The following ATP2C1 variants were observed in gnomAD, a reference collection of about 807,000 sequenced individuals.
ATP2C1 encodes calcium-transporting ATPase type 2C member 1.
ATP2C1 carries 31 observed loss-of-function variants against 120.5 expected under a neutral mutation model. That is an observed-to-expected ratio of 0.26 (90% confidence interval 0.19 to 0.35). ATP2C1 has a LOEUF of 0.35. ATP2C1 is among the 10% of genes least tolerant of loss of function. The pLI, the probability that ATP2C1 is intolerant of heterozygous loss-of-function variation, is 1.00. For missense variants in ATP2C1, 731 were observed against 1,107.5 expected (o/e 0.66, Z 4.83); for synonymous variants, 351 against 358.7 (o/e 0.98, Z 0.24).
At chr3:130,922,501 C>G (rs1024813561) in intron 2 of ATP2C1, among the ~76,000 whole-genome samples, 1 of 151,794 alleles carries the variant, frequency 6.6e-6, no homozygotes. Context: ...TTCTGCTGGG[C>G]TTAGGTTTGG....
intron 8 of ATP2C1, among the ~76,000 whole-genome samples, chr3:130,951,207 A>G (rs887178561): frequency 6.6e-6 from 1 of 152,132 alleles, no homozygotes; most frequent in East Asian, 1.9e-4. Context: ...GTCTTTTTCT[A>G]TAAGTGGTTA....
intron 1 of ATP2C1, among the ~76,000 whole-genome samples, chr3:130,875,999 G>A (rs2068591504): frequency 6.6e-6 from 1 of 150,946 alleles, no homozygotes; most frequent in South Asian, 2.1e-4. Flanking sequence ...TGAGCTGTTG[G>A]TTTTTTTCAG....
intron 1 of ATP2C1, among the ~76,000 whole-genome samples, chr3:130,878,712 C>A (rs1260397715): frequency 6.6e-6 from 1 of 152,142 alleles, no homozygotes; most frequent in Non-Finnish European, 1.5e-5. Flanking sequence ...TTATCCCATT[C>A]TCTCCTGGCC....
intron 14 of ATP2C1, among the ~76,000 whole-genome samples, chr3:130,966,755 G>C (rs537325675): frequency 6.6e-6 from 1 of 152,264 alleles, no homozygotes; most frequent in African/African-American, 2.4e-5. Context: ...AAAGAATACT[G>C]CTTTTGTCTA....
intron 6 of ATP2C1, among the ~76,000 whole-genome samples, chr3:130,939,624 A>G (rs2108433885): frequency 6.6e-6 from 1 of 152,330 alleles, no homozygotes; most frequent in East Asian, 1.9e-4. Context: ...TTTCTAGCAT[A>G]TTACAGAATT....
intron 2 of ATP2C1, among the ~76,000 whole-genome samples, chr3:130,901,853 A>C (rs185129787): frequency 6.6e-6 from 1 of 151,860 alleles, no homozygotes; most frequent in African/African-American, 2.4e-5. Flanking sequence ...TCATCTCAGG[A>C]TTGTTTTGCC....
At chr3:130,902,259 T>C (rs1286474570) in intron 2 of ATP2C1, among the ~76,000 whole-genome samples, 1 of 150,694 alleles carries the variant, frequency 6.6e-6, no homozygotes, top group Non-Finnish European at 1.5e-5. Flanking sequence ...TTTTGGTCTT[T>C]TAACTGCTAA....
chr3:130,927,068 G>C (rs975155688), intron 2 of ATP2C1, among the ~76,000 whole-genome samples: 1 of 152,100 alleles, frequency 6.6e-6, no homozygotes, highest in Non-Finnish European at 1.5e-5. Flanking sequence ...CCAAAGCAGG[G>C]CCAGTGCTTT....
Position 130,997,512 on chromosome 3 carries a change from A to G in ATP2C1, c.2244-94A>G, listed in dbSNP as rs1381499887. ...ATTTTGTTTCTATAAGAAAGCATTT[A>G]GTTTGCCGAATAATTGAGGTTAGTG... On this transcript the variant is annotated intron_variant, in intron 24 of 27. Transcript: ENST00000510168. The G allele has an allele frequency of 4.3e-6, 5 of 1,168,854 alleles. 1 individual carries two copies. The South Asian group carries it at 6.4e-5, about 15-fold the overall frequency. The allele number at this position is 1,168,854 out of a possible 1,614,324, so 72.4% of individuals were successfully genotyped here. A position where few individuals can be genotyped will look rare whatever the true frequency, so the allele number is the denominator to read the frequency against.
chr3:130,979,602 A>C (rs1445687053), intron 19 of ATP2C1, among the ~76,000 whole-genome samples, 183 bp downstream of exon 19: 2 of 152,210 alleles, frequency 1.3e-5, no homozygotes, highest in South Asian at 2.1e-4. Flanking sequence ...TTTAAAAAGT[A>C]ATAACTTTGA....
chr3:130,935,334 A>G (rs1449748847), intron 5 of ATP2C1, among the ~76,000 whole-genome samples: 4 of 152,246 alleles, frequency 2.6e-5, no homozygotes, highest in Non-Finnish European at 5.9e-5. Flanking sequence ...ATGTGAAATT[A>G]AAAATATTCC....
rs1306253181 is a variant in ATP2C1 at position 130,894,954 on chromosome 3, A to G, written c.6+179A>G. 6.6e-6 allele frequency among the ~76,000 whole-genome samples: 1 copy of G among 152,148 alleles called. No homozygotes were observed. The highest frequency in any genetic ancestry group is 1.9e-4 in the East Asian group (1 of 5,198). On this transcript the variant is annotated intron_variant, in intron 2 of 27. Transcript: ENST00000510168. This position sits in a 1 kb window ranked among gnomAD's most constrained non-coding sequence, Gnocchi z 4.5. ...AGCTTTTATTTTGGTAACATGGGGC[A>G]TTTGAGAGATTGAGGTTCTGTGGGT...
chr3:130,965,084 C>A (rs1301680392), intron 14 of ATP2C1, 39 bp downstream of exon 14: 3 of 1,439,200 alleles, frequency 2.1e-6, no homozygotes, highest in East Asian at 2.3e-5. Flanking sequence ...AAAACAGTAT[C>A]CCTTTAAGAA....
chr3:130,850,609 C>T (rs577084008), exon 1 of ATP2C1: 13 of 338,284 alleles, frequency 3.8e-5, no homozygotes, highest in African/African-American at 2.1e-4. Context: ...CATTTCTGGA[C>T]GCTTCTAGAC....
chr3:130,905,255 A>G (rs2058068710), intron 2 of ATP2C1, among the ~76,000 whole-genome samples: 1 of 152,042 alleles, frequency 6.6e-6, no homozygotes, highest in South Asian at 2.1e-4. Context: ...GTATGAACAC[A>G]TATGTTTTTA....
rs572021222 is a variant in ATP2C1, at chr3:130,992,806, T to C, written c.1840-145T>C. On this transcript the variant is annotated intron_variant, in intron 20 of 27. Coordinates refer to ENST00000510168, the MANE Select transcript of ATP2C1 (RefSeq NM_001378687.1). ...TGTCAGATTAATGTCTTAACAAACA[T>C]ATGTCATATTGCTTAAGCTTGATCT... 5.0e-5 allele frequency: 34 copies of C among 680,666 alleles called. 1 individual carries two copies. In the East Asian group the frequency reaches 9.6e-4, roughly 19 times the overall value. 42.2% of individuals were successfully genotyped at this position (680,666 alleles called of 1,614,324 possible). A position where few individuals can be genotyped will look rare whatever the true frequency, so the allele number is the denominator to read the frequency against.
chr3:131,004,814 A>G (rs559237950), downstream of ATP2C1, among the ~76,000 whole-genome samples: 4 of 152,088 alleles, frequency 2.6e-5, no homozygotes, highest in African/African-American at 7.3e-5. Flanking sequence ...TGTGAAAACC[A>G]CAATGAGTTT....
chr3:130,884,081 CA>C (rs2068882577), intron 1 of ATP2C1, among the ~76,000 whole-genome samples: 1 of 151,542 alleles, frequency 6.6e-6, no homozygotes, highest in Admixed American at 6.6e-5. Flanking sequence ...AGCTGGATTA[CA>C]GGCTCTGGCC....
At chr3:130,947,313 C>T (rs907096339) in intron 8 of ATP2C1, among the ~76,000 whole-genome samples, 2 of 152,122 alleles carry the variant, frequency 1.3e-5, no homozygotes, top group African/African-American at 4.8e-5. Flanking sequence ...ACAGTTCACA[C>T]ATTTAAGGTG....
Sources: gnomAD v4.1 joint callset for allele counts (sites outside exome capture counted in the v4.1 genomes callset) on GRCh38, gnomAD v4.1.1 for gene constraint, Gnocchi (gnomAD v3.1) non-coding constraint, MANE v1.5 for transcripts, NCBI Gene and HGNC (gene_info 2026-07-23, HGNC 2026-07-21) for gene names.